MTA1: variants seen among roughly 807,000 people sequenced by gnomAD.
MTA1 encodes the protein metastasis associated 1.
A neutral mutation model predicts 97.0 loss-of-function variants in MTA1; 15 were observed. The observed-to-expected ratio is 0.15, with a 90% CI of 0.10 to 0.24. The LOEUF is 0.24. Among genes scored for constraint, MTA1 ranks in the 10% least tolerant of loss-of-function variants. The pLI, the probability that MTA1 is intolerant of heterozygous loss-of-function variation, is 1.00. For synonymous variants in MTA1, 435 were observed against 417.5 expected (o/e 1.04, Z -0.51); for missense variants, 709 against 1,015.1 (o/e 0.70, Z 4.10).
chr14:105,444,306 C>G (rs1555426541), intron 2 of MTA1, among the ~76,000 whole-genome samples: 3 of 148,028 alleles, frequency 2.0e-5, no homozygotes, highest in Admixed American at 2.0e-4. Context: ...ACCCAGGAGG[C>G]GGAGCTTGCA....
At chr14:105,457,920 G>A (rs1049532530) in intron 7 of MTA1, among the ~76,000 whole-genome samples, 3 of 151,180 alleles carry the variant, frequency 2.0e-5, no homozygotes, top group African/African-American at 4.9e-5. Context: ...GTGAGACTCC[G>A]TCTCAAAAAA....
chr14:105,448,730 G>A (rs2082805662), intron 3 of MTA1, among the ~76,000 whole-genome samples: 1 of 152,220 alleles, frequency 6.6e-6, no homozygotes, highest in African/African-American at 2.4e-5. Context: ...CAGCATGGCT[G>A]CTCCCAGCCT....
At chr14:105,450,550 G>A (rs946090345) in intron 6 of MTA1, among the ~76,000 whole-genome samples, 4 of 152,194 alleles carry the variant, frequency 2.6e-5, no homozygotes, top group Non-Finnish European at 5.9e-5. Context: ...GGAGCTTGGA[G>A]CTCTTTCCTC....
chr14:105,449,440 C>G, intron 4 of MTA1, 31 bp downstream of exon 4: 1 of 1,606,324 alleles, frequency 6.2e-7, no homozygotes, highest in Non-Finnish European at 8.5e-7. Flanking sequence ...GGAGGGCGTC[C>G]TCCTGTCTGT....
chr14:105,469,189 T>G (rs1555433673), intron 18 of MTA1: 1 of 621,242 alleles, frequency 1.6e-6, no homozygotes, highest in Admixed American at 2.2e-5. Context: ...CCGGCCCCTG[T>G]GCAGGGAGGT....
At chr14:105,437,748 G>A (rs2082376300) in intron 1 of MTA1, among the ~76,000 whole-genome samples, 1 of 152,252 alleles carries the variant, frequency 6.6e-6, no homozygotes, top group African/African-American at 2.4e-5. Flanking sequence ...CGGAGCTGAT[G>A]CAGGGTGGGC....
chr14:105,469,366 GC>G lies in MTA1; in HGVS notation c.1814-97del, dbSNP rs1421481962. 14 of 1,333,812 alleles carry G rather than the reference GC, an allele frequency of 1.0e-5. No individual in the cohort carries two copies. The Admixed American group carries it at 2.2e-4, about 21-fold the overall frequency. The allele number at this position is 1,333,812 out of a possible 1,614,324, so 82.6% of individuals were successfully genotyped here. ...TGGGCTGTGGCTTGGTTGGCAGATG[GC>G]CCCGGCCCATTGTCCCAAGGTGGCT... On this transcript the variant is annotated intron_variant, in intron 18 of 20. Coordinates refer to ENST00000331320, the MANE Select transcript of MTA1 (RefSeq NM_004689.4).
At chr14:105,429,198 C>G (rs1339925808) in intron 1 of MTA1, among the ~76,000 whole-genome samples, 37 of 152,336 alleles carry the variant, frequency 2.4e-4, no homozygotes, top group Admixed American at 2.4e-3. Context: ...AATGTGTCCG[C>G]TTTGATTTCC....
intron 1 of MTA1, among the ~76,000 whole-genome samples, chr14:105,426,569 C>A (rs587636936): frequency 1.3e-5 from 2 of 152,216 alleles, no homozygotes; most frequent in South Asian, 4.1e-4. Flanking sequence ...GAGGGAGGGG[C>A]GTGTTCTGTC....
At chr14:105,429,520 C>T (rs1203438645) in intron 1 of MTA1, among the ~76,000 whole-genome samples, 8 of 150,194 alleles carry the variant, frequency 5.3e-5, no homozygotes, top group Admixed American at 4.0e-4. Context: ...GGCACGATCT[C>T]GGCTCACTGC....
intron 4 of MTA1, 77 bp downstream of exon 4, chr14:105,449,486 CAG>C (rs2082840584): frequency 1.3e-6 from 2 of 1,524,926 alleles, no homozygotes; most frequent in East Asian, 2.3e-5. Flanking sequence ...CGCTGAGGGA[CAG>C]AGTTTGGGCG....
intron 1 of MTA1, among the ~76,000 whole-genome samples, chr14:105,433,181 C>T (rs1555423723): frequency 6.6e-6 from 1 of 152,132 alleles, no homozygotes; most frequent in Non-Finnish European, 1.5e-5. Flanking sequence ...GGGCTTCCGG[C>T]GTCTCTCCCA....
Position 105,460,836 on chromosome 14 carries a change from G to C in MTA1, c.825G>C (p.Gln275His), listed in dbSNP as rs2083321010. Residue 275 changes from glutamine to histidine, a missense_variant, in exon 10 of 21, where the codon CAG becomes CAC. Gln to His is a conservative substitution (Grantham distance 24). Transcript: ENST00000331320. ...AGGCCATCTCGGCGCTGGTGCCGCAGGGCGGGCCCGTGCTCTGCAGGGACG... is the reference window on the plus strand; with the variant it reads ...AGGCCATCTCGGCGCTGGTGCCGCACGGCGGGCCCGTGCTCTGCAGGGACG... ...ISKAISALVPQGGPVLCRDEM... is the reference protein window; with the variant it reads ...ISKAISALVPHGGPVLCRDEM... The C allele has an allele frequency of 1.9e-6, 3 of 1,612,470 alleles. No individual in the cohort carries two copies. Among genetic ancestry groups the C allele is most frequent in the Non-Finnish European group, 8.5e-7 (1 of 1,179,588 alleles).
At chr14:105,431,187 C>T (rs587659812) in intron 1 of MTA1, among the ~76,000 whole-genome samples, 86 of 152,298 alleles carry the variant, frequency 5.6e-4, no homozygotes, top group African/African-American at 2.0e-3. Context: ...CTCAGCCTCC[C>T]GAGTAGCTGG....
intron 1 of MTA1, among the ~76,000 whole-genome samples, chr14:105,436,325 T>C (rs2082323323): frequency 6.6e-6 from 1 of 152,226 alleles, no homozygotes; most frequent in South Asian, 2.1e-4. Flanking sequence ...CCCTCTACTA[T>C]TTTTGTTTCA....
chr14:105,451,483 G>A (rs1276646141), intron 6 of MTA1, among the ~76,000 whole-genome samples: 8 of 152,252 alleles, frequency 5.3e-5, no homozygotes, highest in Non-Finnish European at 7.3e-5. Flanking sequence ...CATGCTGGGC[G>A]GGAGCAGAGG....
chr14:105,463,397 C>T lies in MTA1; in HGVS notation c.1018-96C>T, dbSNP rs782262647. ...GAGTCCCTGGCCCGGCTGTCCTCTC[C>T]GTGGTGCTCTCCTCTCCGTAGCCTC... On this transcript the variant is annotated intron_variant, in intron 11 of 20. Coordinates refer to ENST00000331320, the MANE Select transcript of MTA1 (RefSeq NM_004689.4). The surrounding 1 kb of genome is among the most constrained non-coding windows in gnomAD (Gnocchi z 5.9). 1.7e-4 allele frequency: 252 copies of T among 1,512,462 alleles called. No homozygotes were observed. Among genetic ancestry groups the T allele is most frequent in the Non-Finnish European group, 2.1e-4 (226 of 1,091,164 alleles). The allele number at this position is 1,512,462 out of a possible 1,614,324, so 93.7% of individuals were successfully genotyped here.
rs587708006 is a variant in MTA1 at position 105,434,592 on chromosome 14, G to A, written c.29-4080G>A. 1.9e-4 allele frequency among the ~76,000 whole-genome samples: 28 copies of A among 151,212 alleles called. No individual in the cohort carries two copies. The East Asian group carries it at 4.3e-3, about 23-fold the overall frequency. ...CAGCTCACCGCAACCTCCGCCTCCC[G>A]GGTTCAAGCGATTGTCCTGCCTCAG... On this transcript the variant is annotated intron_variant, in intron 1 of 20. Transcript: ENST00000331320.
At position 105,462,459 on chromosome 14, in the gene MTA1, C is replaced by T. The variant is rs113276758; in HGVS notation, c.943-725C>T. 5.5e-3 allele frequency among the ~76,000 whole-genome samples: 838 copies of T among 152,062 alleles called. 8 individuals carry two copies. The highest frequency in any genetic ancestry group is 0.019 in the African/African-American group (800 of 41,450). On this transcript the variant is annotated intron_variant, in intron 10 of 20. Coordinates refer to ENST00000331320, the MANE Select transcript of MTA1 (RefSeq NM_004689.4). ...TGGCAGGCTCCTGTAGTCCCAGCTA[C>T]TCGGGAGACAGAGGCAGGAGAATCA...
Sources: gnomAD v4.1 joint callset for allele counts (sites outside exome capture counted in the v4.1 genomes callset) on GRCh38, gnomAD v4.1.1 for gene constraint, Gnocchi (gnomAD v3.1) non-coding constraint, MANE v1.5 for transcripts, NCBI Gene and HGNC (gene_info 2026-07-23, HGNC 2026-07-21) for gene names.